Variants in NRF1 observed in about 807,000 individuals in gnomAD.
NRF1 encodes the protein alpha palindromic-binding protein.
Under a neutral mutation model 58.5 loss-of-function variants are expected in NRF1, and 5 were observed. The ratio of observed to expected loss-of-function variants is 0.09; its 90% CI spans 0.04 to 0.18. The LOEUF (loss-of-function observed/expected upper bound fraction) is 0.18. NRF1 is among the 10% of genes least tolerant of loss of function. The pLI is 1.00. For missense variants in NRF1, 288 were observed against 657.7 expected (o/e 0.44, Z 6.15); for synonymous variants, 224 against 246.7 (o/e 0.91, Z 0.86).
At chr7:129,683,310 T>TGAGAGAGAGAGAGA (rs1562969591) in intron 4 of NRF1, among the ~76,000 whole-genome samples, 1 of 143,602 alleles carries the variant, frequency 7.0e-6, no homozygotes, top group African/African-American at 2.6e-5. Context: ...TGTGTGTGTG[T>TGAGAGAGAGAGAGA]GTGTGTGTGT....
At chr7:129,683,120 C>G (rs1354869540) in intron 4 of NRF1, among the ~76,000 whole-genome samples, 5 of 151,724 alleles carry the variant, frequency 3.3e-5, no homozygotes, top group Non-Finnish European at 7.4e-5. Context: ...CCGGGCTGGT[C>G]TTGAACTCCT....
intron 2 of NRF1, among the ~76,000 whole-genome samples, chr7:129,658,193 T>G (rs898305214): frequency 6.6e-6 from 1 of 152,222 alleles, no homozygotes; most frequent in East Asian, 1.9e-4. Context: ...TTGTAGTGAT[T>G]GAAAATTTTG....
chr7:129,729,108 T>TC (rs1339439450), intron 10 of NRF1, among the ~76,000 whole-genome samples: 1 of 152,182 alleles, frequency 6.6e-6, no homozygotes, highest in African/African-American at 2.4e-5. Flanking sequence ...AAAAATAACT[T>TC]CCCATGTGGG....
intron 1 of NRF1, among the ~76,000 whole-genome samples, chr7:129,656,200 A>G (rs1053404227): frequency 5.9e-5 from 9 of 152,166 alleles, no homozygotes; most frequent in Middle Eastern, 3.2e-3. Context: ...AGTTTATAAT[A>G]GCAAAAACTT....
intron 5 of NRF1, among the ~76,000 whole-genome samples, chr7:129,694,694 A>C (rs1014092667): frequency 6.6e-6 from 1 of 152,108 alleles, no homozygotes; most frequent in Non-Finnish European, 1.5e-5. Context: ...AATTGATCCT[A>C]AAGACTTTCA....
intron 10 of NRF1, among the ~76,000 whole-genome samples, chr7:129,735,932 T>C (rs544599437): frequency 6.6e-6 from 1 of 151,734 alleles, no homozygotes; most frequent in Admixed American, 6.6e-5. Flanking sequence ...GGCGTGAACC[T>C]GGGAGGTGGA....
chr7:129,745,131 C>T (rs1803942528), intron 10 of NRF1, among the ~76,000 whole-genome samples: 1 of 152,168 alleles, frequency 6.6e-6, no homozygotes, highest in Non-Finnish European at 1.5e-5. Flanking sequence ...TGGTGACTTT[C>T]TTCTTCTGAG....
intron 1 of NRF1, among the ~76,000 whole-genome samples, chr7:129,653,139 A>G (rs376218991): frequency 6.6e-6 from 1 of 151,968 alleles, no homozygotes; most frequent in Non-Finnish European, 1.5e-5. Context: ...GAATTTGACT[A>G]CTCTAGGTGC....
chr7:129,671,395 C>G, intron 2 of NRF1, 34 bp from the exon 3 acceptor site: 1 of 1,372,722 alleles, frequency 7.3e-7, no homozygotes. Context: ...TTACAGGCAG[C>G]TGCCTAATCT....
chr7:129,695,076 T>A (rs1437044154), intron 5 of NRF1, among the ~76,000 whole-genome samples: 2 of 152,202 alleles, frequency 1.3e-5, no homozygotes, highest in Non-Finnish European at 2.9e-5. Context: ...ATATTTGTGG[T>A]ATGTTAAATT....
intron 2 of NRF1, among the ~76,000 whole-genome samples, chr7:129,668,280 T>C (rs1801966836): frequency 6.6e-6 from 1 of 152,204 alleles, no homozygotes; most frequent in African/African-American, 2.4e-5. Context: ...TCCACACTAG[T>C]TTAATGACTA....
At chr7:129,653,594 A>G (rs982179048) in intron 1 of NRF1, among the ~76,000 whole-genome samples, 2 of 152,196 alleles carry the variant, frequency 1.3e-5, no homozygotes, top group African/African-American at 2.4e-5. Flanking sequence ...TTATTGTATC[A>G]TACAGAGTAG....
chr7:129,631,459 G>A (rs1198800905), intron 1 of NRF1, among the ~76,000 whole-genome samples: 1 of 151,940 alleles, frequency 6.6e-6, no homozygotes, highest in Admixed American at 6.6e-5. Flanking sequence ...CTAGAAACGA[G>A]GTCTCGCTAT....
chr7:129,696,121 G>A (rs1287657003), intron 5 of NRF1, among the ~76,000 whole-genome samples: 1 of 147,164 alleles, frequency 6.8e-6, no homozygotes, highest in Non-Finnish European at 1.5e-5. Context: ...GTACATGCCT[G>A]TAATCCCAGC....
chr7:129,707,479 TGAA>T (rs1449086364), intron 5 of NRF1, among the ~76,000 whole-genome samples: 1 of 152,176 alleles, frequency 6.6e-6, no homozygotes, highest in African/African-American at 2.4e-5. Flanking sequence ...TTTTTTAACA[TGAA>T]GAAGTATAAA....
intron 2 of NRF1, among the ~76,000 whole-genome samples, chr7:129,665,893 C>T (rs1801909410): frequency 6.6e-6 from 1 of 152,128 alleles, no homozygotes; most frequent in Admixed American, 6.5e-5. Flanking sequence ...GGATTACAGG[C>T]GTGAGCCACT....
chr7:129,642,928 T>A (rs549877487), intron 1 of NRF1, among the ~76,000 whole-genome samples: 1 of 151,948 alleles, frequency 6.6e-6, no homozygotes, highest in South Asian at 2.1e-4. Context: ...ACGCAGCTGG[T>A]TTTTGTATTT....
At chr7:129,646,564 C>T (rs1464710287) in intron 1 of NRF1, among the ~76,000 whole-genome samples, 3 of 152,168 alleles carry the variant, frequency 2.0e-5, no homozygotes, top group African/African-American at 4.8e-5. Flanking sequence ...GTAATCTGAT[C>T]TCCTAGTGGA....
intron 2 of NRF1, among the ~76,000 whole-genome samples, chr7:129,665,142 T>G (rs1292856801): frequency 6.6e-6 from 1 of 152,198 alleles, no homozygotes; most frequent in Non-Finnish European, 1.5e-5. Context: ...CATTTCAGAC[T>G]GAGAAACACT....
Sources: allele counts gnomAD v4.1 joint callset (sites outside exome capture counted in the v4.1 genomes callset), GRCh38; gene constraint gnomAD v4.1.1; transcripts MANE v1.5; gene names NCBI Gene and HGNC (gene_info 2026-07-23, HGNC 2026-07-21).